The following NTN1 variants were observed in gnomAD, a reference collection of about 807,000 sequenced individuals.
The protein encoded by NTN1 is netrin 1, also known as netrin-1.
In NTN1, 11 loss-of-function variants were observed where a neutral mutation model predicts 54.2. The ratio of observed to expected loss-of-function variants is 0.20; its 90% confidence interval spans 0.13 to 0.34. NTN1 has a LOEUF of 0.34. NTN1 is among the 10% of genes least tolerant of loss of function. NTN1 has a pLI of 1.00. For synonymous variants in NTN1, 371 were observed against 382.0 expected (o/e 0.97, Z 0.33); for missense variants, 740 against 893.1 (o/e 0.83, Z 2.18).
At chr17:9,216,025 G>A (rs1905210634) in intron 5 of NTN1, among the ~76,000 whole-genome samples, 1 of 152,194 alleles carries the variant, frequency 6.6e-6, no homozygotes, top group South Asian at 2.1e-4. Flanking sequence ...CAGTGGCGCA[G>A]TCACAGCTCA....
At chr17:9,183,058 C>T (rs1348415489) in intron 5 of NTN1, 89 bp downstream of exon 5, 2 of 1,336,488 alleles carry the variant, frequency 1.5e-6, no homozygotes, top group Admixed American at 3.4e-5. Flanking sequence ...ATTGGAAAGC[C>T]CAGACTCCTC....
chr17:9,184,889 C>T (rs780271659), intron 5 of NTN1, among the ~76,000 whole-genome samples: 2 of 152,216 alleles, frequency 1.3e-5, no homozygotes, highest in Non-Finnish European at 2.9e-5. Flanking sequence ...CCGGAGCAGC[C>T]GCTTATAAAC....
chr17:9,084,462 G>A (rs2092083599), intron 2 of NTN1, among the ~76,000 whole-genome samples: 2 of 152,070 alleles, frequency 1.3e-5, no homozygotes, highest in Admixed American at 1.3e-4. Flanking sequence ...TTCACAGGAC[G>A]CTGTCACCGG....
intron 5 of NTN1, among the ~76,000 whole-genome samples, chr17:9,202,991 C>G (rs774112715): frequency 7.9e-5 from 12 of 152,200 alleles, no homozygotes; most frequent in Middle Eastern, 3.4e-3. Context: ...GCGCGATCTC[C>G]GCTCACTGCA....
chr17:9,080,584 T>C (rs552496606), intron 2 of NTN1, among the ~76,000 whole-genome samples: 1 of 152,366 alleles, frequency 6.6e-6, no homozygotes, highest in South Asian at 2.1e-4. Flanking sequence ...GTCTTTTGTG[T>C]GCTAAGGATT....
At chr17:9,177,618 A>G (rs66501579) in intron 3 of NTN1, 23,097 of 152,270 alleles carry the variant, frequency 0.15, 1,976 homozygotes, top group Non-Finnish European at 0.2. Context: ...CGCTTGCATC[A>G]GGGGCTTCGA....
chr17:9,187,562 A>G (rs534014533), intron 5 of NTN1, among the ~76,000 whole-genome samples: 125 of 148,522 alleles, frequency 8.4e-4, no homozygotes, highest in African/African-American at 3.0e-3. Flanking sequence ...CCATAATCCA[A>G]CCACCTCGGG....
At chr17:9,034,289 C>T (rs1023635698) in intron 2 of NTN1, among the ~76,000 whole-genome samples, 1 of 152,160 alleles carries the variant, frequency 6.6e-6, no homozygotes, top group African/African-American at 2.4e-5. Context: ...GGTTCTGATC[C>T]TAGACCTTGG....
At chr17:9,094,821 T>A (rs2092124697) in intron 2 of NTN1, among the ~76,000 whole-genome samples, 1 of 151,966 alleles carries the variant, frequency 6.6e-6, no homozygotes, top group Non-Finnish European at 1.5e-5. Flanking sequence ...AAACCCCGTC[T>A]CTACTACAAA....
At chr17:9,106,741 C>T (rs919959065) in intron 2 of NTN1, among the ~76,000 whole-genome samples, 1 of 152,140 alleles carries the variant, frequency 6.6e-6, no homozygotes, top group Admixed American at 6.6e-5. Flanking sequence ...TCTCGAACTC[C>T]TGACCTCAGG....
chr17:9,202,210 C>T (rs570651053), intron 5 of NTN1, among the ~76,000 whole-genome samples: 3 of 152,010 alleles, frequency 2.0e-5, no homozygotes, highest in Non-Finnish European at 4.4e-5. Context: ...CATTGAACTC[C>T]AGCCTGGATG....
At chr17:9,122,256 G>A (rs1039078284) in intron 2 of NTN1, among the ~76,000 whole-genome samples, 31 of 152,150 alleles carry the variant, frequency 2.0e-4, no homozygotes, top group African/African-American at 6.3e-4. Flanking sequence ...GGATGGTCTC[G>A]ATCTCCTGAC....
At chr17:9,013,839 TG>T in the NTN1 span, among the ~76,000 whole-genome samples, 1 of 152,242 alleles carries the variant, frequency 6.6e-6, no homozygotes. Context: ...CCTCAAGGCC[TG>T]TCTTCCATCC....
intron 5 of NTN1, among the ~76,000 whole-genome samples, chr17:9,205,960 G>A (rs1249505210): frequency 1.3e-5 from 2 of 152,222 alleles, no homozygotes; most frequent in Admixed American, 6.5e-5. Flanking sequence ...TCACCATTCC[G>A]GTTGCTCCTG....
At chr17:9,130,570 C>A (rs1275635147) in intron 2 of NTN1, among the ~76,000 whole-genome samples, 1 of 152,148 alleles carries the variant, frequency 6.6e-6, no homozygotes, top group African/African-American at 2.4e-5. Flanking sequence ...TTAAACTCAT[C>A]CACTCAGAGC....
intron 5 of NTN1, among the ~76,000 whole-genome samples, chr17:9,190,704 G>T (rs186372718): frequency 6.6e-6 from 1 of 152,222 alleles, no homozygotes; most frequent in East Asian, 1.9e-4. Flanking sequence ...ATACAAAAAT[G>T]AGCTGGACAT....
chr17:9,138,466 C>T (rs930016910), intron 2 of NTN1, among the ~76,000 whole-genome samples: 10 of 152,098 alleles, frequency 6.6e-5, no homozygotes, highest in Non-Finnish European at 1.3e-4. Flanking sequence ...GGTGGCTGGA[C>T]CCCAGACGCT....
intron 5 of NTN1, among the ~76,000 whole-genome samples, chr17:9,189,232 C>A (rs1971087981): frequency 6.6e-6 from 1 of 152,210 alleles, no homozygotes; most frequent in South Asian, 2.1e-4. Context: ...GAGGAGTAAA[C>A]TGAGGCACAG....
At chr17:9,077,720 T>C (rs958396613) in intron 2 of NTN1, among the ~76,000 whole-genome samples, 3 of 152,200 alleles carry the variant, frequency 2.0e-5, no homozygotes, top group African/African-American at 7.2e-5. Flanking sequence ...GGAGAGGTCA[T>C]TGGAAGAAAC....
Sources: gnomAD v4.1 joint callset for allele counts (sites outside exome capture counted in the v4.1 genomes callset) on GRCh38, gnomAD v4.1.1 for gene constraint, MANE v1.5 for transcripts, NCBI Gene and HGNC (gene_info 2026-07-23, HGNC 2026-07-21) for gene names.